BEND3: variants seen among roughly 807,000 people sequenced by gnomAD.
BEND3 encodes the protein BEN domain containing 3.
BEND3 carries 13 observed loss-of-function variants against 60.1 expected under a neutral mutation model. The ratio of observed to expected loss-of-function variants is 0.22; its 90% CI spans 0.14 to 0.34. BEND3 has a LOEUF of 0.34. Ranked by LOEUF, BEND3 falls within the 10% of genes least tolerant of loss-of-function variation. The pLI, the probability that BEND3 is intolerant of heterozygous loss-of-function variation, is 1.00. For synonymous variants in BEND3, 497 were observed against 491.5 expected, an observed-to-expected ratio of 1.01 and a Z score of -0.15; for missense variants, 896 against 1,138.1, an observed-to-expected ratio of 0.79 and a Z score of 3.06.
chr6:107,089,357 C>T (rs1386517523), intron 3 of BEND3, among the ~76,000 whole-genome samples: 4 of 151,704 alleles, frequency 2.6e-5, no homozygotes, highest in African/African-American at 7.3e-5. Context: ...CCAAGGCAGG[C>T]GGATCACGAC....
At chr6:107,079,525 A>G (rs1554233225) in intron 3 of BEND3, among the ~76,000 whole-genome samples, 1 of 152,160 alleles carries the variant, frequency 6.6e-6, no homozygotes, top group Non-Finnish European at 1.5e-5. Flanking sequence ...CCACCCCTAG[A>G]CACTGCCATG....
intron 3 of BEND3, among the ~76,000 whole-genome samples, chr6:107,086,225 T>G (rs1246442962): frequency 1.3e-5 from 2 of 152,050 alleles, no homozygotes; most frequent in Admixed American, 1.3e-4. Context: ...GGAAGAGAAA[T>G]AGCCAACATC....
chr6:107,088,133 C>T (rs1287259867), intron 3 of BEND3, among the ~76,000 whole-genome samples: 3 of 151,894 alleles, frequency 2.0e-5, no homozygotes, highest in Non-Finnish European at 2.9e-5. Flanking sequence ...GCCTCAGCCT[C>T]CTAAGTAGCT....
At chr6:107,092,993 T>C (rs1775508515) in intron 3 of BEND3, among the ~76,000 whole-genome samples, 1 of 152,180 alleles carries the variant, frequency 6.6e-6, no homozygotes, top group Admixed American at 6.5e-5. Context: ...ATTAAATAAA[T>C]GGAGAGACAT....
intron 3 of BEND3, among the ~76,000 whole-genome samples, chr6:107,081,379 C>T (rs1582649523): frequency 6.6e-6 from 1 of 151,922 alleles, no homozygotes; most frequent in Admixed American, 6.6e-5. Flanking sequence ...CACCACTACG[C>T]CTGGCTAATT....
At chr6:107,095,955 CTACAAATGGTATA>C (rs1236829160) in intron 3 of BEND3, among the ~76,000 whole-genome samples, 1 of 152,100 alleles carries the variant, frequency 6.6e-6, no homozygotes, top group African/African-American at 2.4e-5. Context: ...CTGTATGATA[CTACAAATGGTATA>C]TACATTTGTC....
At chr6:107,093,221 G>C (rs1247014169) in intron 3 of BEND3, among the ~76,000 whole-genome samples, 1 of 152,144 alleles carries the variant, frequency 6.6e-6, no homozygotes, top group Non-Finnish European at 1.5e-5. Context: ...AGCACTTTGG[G>C]AGGCTGAGGA....
At chr6:107,076,489 T>C (rs1775102739) in intron 3 of BEND3, among the ~76,000 whole-genome samples, 1 of 152,156 alleles carries the variant, frequency 6.6e-6, no homozygotes, top group Non-Finnish European at 1.5e-5. Context: ...GAAGCTGATG[T>C]TGGGTTACAA....
intron 1 of BEND3, among the ~76,000 whole-genome samples, chr6:107,109,810 G>A (rs1435267213): frequency 1.3e-5 from 2 of 151,966 alleles, no homozygotes. Flanking sequence ...GGAGGCGGTG[G>A]TTGCAGTGAG....
At chr6:107,089,261 T>C (rs1554234797) in intron 3 of BEND3, among the ~76,000 whole-genome samples, 1 of 152,136 alleles carries the variant, frequency 6.6e-6, no homozygotes, top group Non-Finnish European at 1.5e-5. Context: ...TCAATATTGT[T>C]AAAGTGAAAT....
chr6:107,111,367 C>T lies in BEND3; in HGVS notation c.-12+3723G>A, dbSNP rs1235931340. Among the ~76,000 whole-genome samples, 6 of 151,718 alleles carry T rather than the reference C, an allele frequency of 4.0e-5. No homozygotes were observed. In the South Asian group the frequency reaches 6.3e-4, roughly 16 times the overall value. ...CTCTACTAAAAATACAAAAATTAGC[C>T]GGGTATGGTAGTGCATGCCTGTGAT... is the stretch of plus-strand genomic sequence containing the variant. On this transcript the variant is annotated intron_variant, in intron 1 of 3. Transcript: ENST00000369042.
At position 107,067,783 on chromosome 6, in the gene BEND3, G is replaced by A. The variant is rs1774863432; in HGVS notation, c.*921C>T. ...GTAAACAGTTCATGGTGAGCTCAAA[G>A]AGGCCCACCCTTAAATCTAACAAGA... is the stretch of plus-strand genomic sequence containing the variant. On this transcript the variant is annotated 3_prime_UTR_variant, in exon 4 of 4. Coordinates refer to ENST00000369042, the MANE Select transcript of BEND3 (RefSeq NM_001367314.1). 1 of 152,212 alleles carries A rather than the reference G, an allele frequency of 6.6e-6. No individual in the cohort carries two copies. Among genetic ancestry groups the A allele is most frequent in the Non-Finnish European group, 1.5e-5 (1 of 68,056 alleles). 9.4% of individuals were successfully genotyped at this position (152,212 alleles called of 1,614,324 possible).
intron 3 of BEND3, among the ~76,000 whole-genome samples, chr6:107,092,189 G>A (rs868973490): frequency 6.0e-5 from 9 of 150,542 alleles, no homozygotes; most frequent in South Asian, 2.1e-4. Context: ...CCCGGGAGGC[G>A]GAGCTTGCAG....
At position 107,076,493 on chromosome 6, in the gene BEND3, G is replaced by A. The variant is rs1005685334; in HGVS notation, c.241-5543C>T. On this transcript the variant is annotated intron_variant, in intron 3 of 3. Transcript: ENST00000369042. ...CTGAACAAAAAGAAGCTGATGTTGG[G>A]TTACAAGTGAGGGGTAAATAGACTA... Among the ~76,000 whole-genome samples, 5 of 152,176 alleles carry A rather than the reference G, an allele frequency of 3.3e-5. No homozygotes were observed. In the East Asian group the frequency reaches 9.6e-4, roughly 29 times the overall value.
At chr6:107,107,549 G>A (rs1775843445) in intron 1 of BEND3, among the ~76,000 whole-genome samples, 1 of 151,750 alleles carries the variant, frequency 6.6e-6, no homozygotes, top group Admixed American at 6.6e-5. Flanking sequence ...TGCAACCTTT[G>A]CCTCCTGGGT....
In BEND3 at chr6:107,068,612, G is replaced by A. The variant is rs1774881523; in HGVS notation, c.*92C>T. The A allele has an allele frequency of 7.2e-7, 1 of 1,397,608 alleles. No homozygotes were observed. The highest frequency in any genetic ancestry group is 1.4e-5 in the African/African-American group (1 of 69,550). The allele number at this position is 1,397,608 out of a possible 1,614,324, so 86.6% of individuals were successfully genotyped here. On this transcript the variant is annotated 3_prime_UTR_variant, in exon 4 of 4. Coordinates refer to ENST00000369042, the MANE Select transcript of BEND3 (RefSeq NM_001367314.1). The surrounding 1 kb of genome is among the most constrained non-coding windows in gnomAD (Gnocchi z 5.8). Reference sequence around the variant, plus strand: ...GGACATAAGGTGCCTGTCTGTGGATGCCATAGGCGTGCTCCCAAGTATTGC... The same window carrying A: ...GGACATAAGGTGCCTGTCTGTGGATACCATAGGCGTGCTCCCAAGTATTGC...
intron 3 of BEND3, among the ~76,000 whole-genome samples, chr6:107,073,211 A>G (rs1403713177): frequency 5.4e-3 from 19 of 3,498 alleles, no homozygotes; most frequent in Admixed American, 0.016. Context: ...GTATATATAT[A>G]TATATATATA....
chr6:107,094,977 C>G (rs1165269708), intron 3 of BEND3, among the ~76,000 whole-genome samples: 1 of 151,932 alleles, frequency 6.6e-6, no homozygotes, highest in East Asian at 1.9e-4. Context: ...TGTGCCACCA[C>G]GCCTGGATAA....
At chr6:107,100,715 T>A (rs1775685870) in intron 1 of BEND3, among the ~76,000 whole-genome samples, 1 of 152,164 alleles carries the variant, frequency 6.6e-6, no homozygotes, top group Admixed American at 6.6e-5. Context: ...GTCTCTGATA[T>A]CTCCGAATAC....
Sources: gnomAD v4.1 joint callset for allele counts (sites outside exome capture counted in the v4.1 genomes callset) on GRCh38, gnomAD v4.1.1 for gene constraint, Gnocchi (gnomAD v3.1) non-coding constraint, MANE v1.5 for transcripts, NCBI Gene and HGNC (gene_info 2026-07-23, HGNC 2026-07-21) for gene names.